The following SETD2 variants were observed in gnomAD, a reference collection of about 807,000 sequenced individuals.
SETD2 encodes the protein histone-lysine N-methyltransferase SETD2.
A neutral mutation model predicts 242.1 loss-of-function variants in SETD2; 31 were observed. The observed-to-expected ratio is 0.13, with a 90% CI of 0.10 to 0.17. The LOEUF (loss-of-function observed/expected upper bound fraction) is 0.17. SETD2 is among the 10% of genes least tolerant of loss of function. The pLI is 1.00. For missense variants in SETD2, 2,481 were observed against 3,046.3 expected (o/e 0.81, Z 4.37); for synonymous variants, 1,006 against 1,066.5 (o/e 0.94, Z 1.11).
intron 12 of SETD2, among the ~76,000 whole-genome samples, chr3:47,075,474 G>A (rs919528317): frequency 9.1e-5 from 13 of 142,800 alleles, no homozygotes; most frequent in African/African-American, 3.4e-4. Context: ...TGAAGCAGGA[G>A]AATCGTTTGA....
At chr3:47,097,934 G>T in intron 9 of SETD2, 21 bp downstream of exon 9, 1 of 1,609,054 alleles carries the variant, frequency 6.2e-7, no homozygotes, top group Non-Finnish European at 8.5e-7. Flanking sequence ...TGTGAAAGTT[G>T]AAAGAAAAAT....
At chr3:47,055,712 A>T (rs1458264884) in intron 15 of SETD2, among the ~76,000 whole-genome samples, 1 of 146,724 alleles carries the variant, frequency 6.8e-6, no homozygotes, top group Non-Finnish European at 1.5e-5. Flanking sequence ...AATAAAAAAT[A>T]AAAAAAAGTT....
At chr3:47,027,480 G>A (rs927824614) in intron 18 of SETD2, among the ~76,000 whole-genome samples, 1 of 151,942 alleles carries the variant, frequency 6.6e-6, no homozygotes, top group Non-Finnish European at 1.5e-5. Flanking sequence ...GTTAATGGGT[G>A]CAGCACACCA....
At chr3:47,100,737 G>A (rs1353115665) in intron 8 of SETD2, among the ~76,000 whole-genome samples, 5 of 151,986 alleles carry the variant, frequency 3.3e-5, no homozygotes, top group Admixed American at 6.5e-5. Context: ...CAGGCCGGGC[G>A]CAGTGGCTCA....
At chr3:47,110,185 T>C (rs1200880577) in intron 5 of SETD2, among the ~76,000 whole-genome samples, 1 of 152,158 alleles carries the variant, frequency 6.6e-6, no homozygotes, top group Non-Finnish European at 1.5e-5. Context: ...ACATATTGTA[T>C]AATTTCATTT....
chr3:47,054,156 CTACTACT>C (rs1361014026), intron 15 of SETD2, among the ~76,000 whole-genome samples: 1 of 152,134 alleles, frequency 6.6e-6, no homozygotes. Flanking sequence ...GCCCATTTAC[CTACTACT>C]TAAGTACACA....
At chr3:47,084,407 C>A (rs764370168) in intron 11 of SETD2, 25 bp from the exon 12 acceptor site, 2 of 1,488,704 alleles carry the variant, frequency 1.3e-6, no homozygotes, top group Non-Finnish European at 9.2e-7. Context: ...AAAAAAATTA[C>A]ATCACTTTGT....
chr3:47,125,212 G>A (rs1391331315), intron 2 of SETD2, among the ~76,000 whole-genome samples: 1 of 152,034 alleles, frequency 6.6e-6, no homozygotes, highest in Non-Finnish European at 1.5e-5. Context: ...CCAGCTACTT[G>A]GGAGGCTGAG....
chr3:47,124,057 C>A lies in SETD2; in HGVS notation c.579G>T (p.Pro193=), dbSNP rs113644970. Residue 193 remains proline (P), a synonymous_variant, in exon 3 of 21, where the codon CCG becomes CCT. Coordinates refer to ENST00000409792, the MANE Select transcript of SETD2 (RefSeq NM_014159.7). ...GTGTTGTGGCTTGGGCAGGTGGAGG[C>A]GGTGGAGGCGGAGATGAGGGCGGTG... ...VDSPPSSPPP[P]PPPAQATTLS... 1 of 1,551,668 alleles carries A rather than the reference C, an allele frequency of 6.4e-7. No individual in the cohort carries two copies. Among genetic ancestry groups the A allele is most frequent in the Non-Finnish European group, 8.7e-7 (1 of 1,146,966 alleles).
intron 9 of SETD2, among the ~76,000 whole-genome samples, chr3:47,088,661 T>G (rs1007309018): frequency 6.6e-6 from 1 of 152,214 alleles, no homozygotes; most frequent in African/African-American, 2.4e-5. Flanking sequence ...CTGTGTGAGA[T>G]ATATCTCCTT....
chr3:47,123,911 G>C lies in SETD2; in HGVS notation c.725C>G (p.Pro242Arg), dbSNP rs1421879182. The C allele has an allele frequency of 2.6e-6, 4 of 1,551,802 alleles. No homozygotes were observed. The highest frequency in any genetic ancestry group is 1.4e-5 in the African/African-American group (1 of 73,036). ...TAAAGATTCTGGTACAATTATAATT[G>C]GTGGTTCTTTCAGAGATCTAACTGC... is the stretch of plus-strand genomic sequence containing the variant. ...DVAVRSLKEP[P>R]IIIVPESLEA... Residue 242 changes from proline (P) to arginine (R), a missense_variant, in exon 3 of 21, where the codon CCA becomes CGA. Physicochemically the swap from Pro to Arg is moderately radical, Grantham distance 103 (BLOSUM62 -2). Transcript: ENST00000409792.
chr3:47,154,279 C>CAG (rs2044072923), intron 1 of SETD2, among the ~76,000 whole-genome samples: 1 of 151,656 alleles, frequency 6.6e-6, no homozygotes, highest in African/African-American at 2.4e-5. Flanking sequence ...CGTGGTGGTG[C>CAG]GCGCCTGTAG....
rs754307289 is a variant in SETD2 at position 47,120,808 on chromosome 3, A to G, written c.3828T>C (p.Ser1276=). ...KPSTTYQQPD[S]SYGACGGHKY... ...TGTGTCCACCACAAGCTCCATAGCTACTGTCAGGTTGCTGATACGTGGTAG... is the reference window on the plus strand; with the variant it reads ...TGTGTCCACCACAAGCTCCATAGCTGCTGTCAGGTTGCTGATACGTGGTAG... Residue 1276 remains serine, a synonymous_variant, in exon 3 of 21, where the codon AGT becomes AGC. Coordinates refer to ENST00000409792, the MANE Select transcript of SETD2 (RefSeq NM_014159.7). The G allele has an allele frequency of 7.4e-6, 12 of 1,614,216 alleles. No individual in the cohort carries two copies. Among genetic ancestry groups the G allele is most frequent in the Non-Finnish European group, 1.0e-5 (12 of 1,180,038 alleles).
intron 13 of SETD2, among the ~76,000 whole-genome samples, chr3:47,064,784 T>C (rs1276782760): frequency 6.8e-6 from 1 of 147,650 alleles, no homozygotes; most frequent in Non-Finnish European, 1.5e-5. Flanking sequence ...ATATAAAATA[T>C]ATAAAATAAT....
At chr3:47,066,916 A>G (rs1399563702) in intron 13 of SETD2, 154 bp downstream of exon 13, 2 of 594,908 alleles carry the variant, frequency 3.4e-6, no homozygotes, top group Admixed American at 2.9e-5. Context: ...ATAAAAGCAC[A>G]AGTTTCCAAA....
At chr3:47,099,276 G>C (rs558254041) in intron 8 of SETD2, among the ~76,000 whole-genome samples, 1 of 152,142 alleles carries the variant, frequency 6.6e-6, no homozygotes, top group South Asian at 2.1e-4. Context: ...CTGCAGCTGT[G>C]TGCTTTTCTA....
chr3:47,090,174 G>A (rs1009886216), intron 9 of SETD2, among the ~76,000 whole-genome samples: 4 of 151,966 alleles, frequency 2.6e-5, no homozygotes, highest in South Asian at 4.2e-4. Context: ...TTGAACCCAC[G>A]AGGTGGAGGT....
chr3:47,076,164 C>CG (rs138428961), intron 12 of SETD2, among the ~76,000 whole-genome samples: 95 of 151,886 alleles, frequency 6.3e-4, no homozygotes, highest in Non-Finnish European at 1.1e-3. Context: ...AAAGACTTTC[C>CG]GGGGGGGAAA....
At chr3:47,032,592 A>C (rs899611423) in intron 18 of SETD2, among the ~76,000 whole-genome samples, 1 of 152,128 alleles carries the variant, frequency 6.6e-6, no homozygotes, top group Non-Finnish European at 1.5e-5. Context: ...AATCCAAAAG[A>C]AAGCAAAGAC....
Sources: gnomAD v4.1 joint callset for allele counts (sites outside exome capture counted in the v4.1 genomes callset) on GRCh38, gnomAD v4.1.1 for gene constraint, MANE v1.5 for transcripts, NCBI Gene and HGNC (gene_info 2026-07-23, HGNC 2026-07-21) for gene names.